DDX54: variants seen among roughly 807,000 people sequenced by gnomAD.
The protein encoded by DDX54 is ATP-dependent RNA helicase DDX54.
Under a neutral mutation model 105.5 loss-of-function variants are expected in DDX54, and 67 were observed. The ratio of observed to expected loss-of-function variants is 0.64; its 90% CI spans 0.52 to 0.78. The LOEUF (loss-of-function observed/expected upper bound fraction) is 0.78, where lower values mean the gene tolerates loss of function less well. Ranked by LOEUF, DDX54 falls within the 30% of genes least tolerant of loss-of-function variation. The probability of loss-of-function intolerance (pLI) is 0.00; values close to 1 mark genes in which losing one functional copy is unlikely to be tolerated. For missense variants in DDX54, 1,206 were observed against 1,230.5 expected (o/e 0.98, Z 0.30); for synonymous variants, 514 against 509.9 (o/e 1.01, Z -0.11).
At position 113,158,760 on chromosome 12, in the gene DDX54, C is replaced by T; in HGVS notation, c.*117G>A. The T allele has an allele frequency of 8.7e-7, 1 of 1,155,916 alleles. No individual in the cohort carries two copies. Among genetic ancestry groups the T allele is most frequent in the Non-Finnish European group, 1.2e-6 (1 of 832,088 alleles). The allele number at this position is 1,155,916 out of a possible 1,614,324, so 71.6% of individuals were successfully genotyped here. A position where few individuals can be genotyped will look rare whatever the true frequency, so the allele number is the denominator to read the frequency against. Reference sequence around the variant, plus strand: ...GTGCTCCTTTTCACAGATGATGGCTCCTGCAGGGAGTGCCCCCAGTGCCCA... The same window carrying T: ...GTGCTCCTTTTCACAGATGATGGCTTCTGCAGGGAGTGCCCCCAGTGCCCA... On this transcript the variant is annotated 3_prime_UTR_variant, in exon 20 of 20. Transcript: ENST00000306014. This position sits in a 1 kb window ranked among gnomAD's most constrained non-coding sequence, Gnocchi z 4.9.
Position 113,180,917 on chromosome 12 carries a change from A to T in DDX54, c.304+12T>A. ...CACTCCCGCAGAGTCCCTGATGCCA[A>T]GTTGCACCCACCCATGGACTGGAAG... On this transcript the variant is annotated intron_variant, in intron 2 of 19. Coordinates refer to ENST00000306014, the MANE Select transcript of DDX54 (RefSeq NM_024072.4). The T allele has an allele frequency of 6.2e-7, 1 of 1,613,226 alleles. No individual in the cohort carries two copies. The highest frequency in any genetic ancestry group is 8.5e-7 in the Non-Finnish European group (1 of 1,179,550).
chr12:113,180,068 C>G, intron 2 of DDX54, 63 bp from the exon 3 acceptor site: 1 of 1,483,722 alleles, frequency 6.7e-7, no homozygotes, highest in African/African-American at 1.4e-5. Context: ...CCCCAGAGAA[C>G]TTTACAGGAC....
Position 113,168,378 on chromosome 12 carries a change from G to C in DDX54, c.1414+1392C>G, listed in dbSNP as rs531892123. On this transcript the variant is annotated intron_variant, in intron 12 of 19. Transcript: ENST00000306014. ...TCTGAGCTTGAGTCTTGGGCCTCTGGGGGGGCCTGAATCTCAGCTCCCCAC... is the reference window on the plus strand; with the variant it reads ...TCTGAGCTTGAGTCTTGGGCCTCTGCGGGGGCCTGAATCTCAGCTCCCCAC... Among the ~76,000 whole-genome samples the C allele has an allele frequency of 2.0e-5, 3 of 152,342 alleles. No individual in the cohort carries two copies. The East Asian group carries it at 5.8e-4, about 29-fold the overall frequency.
chr12:113,178,917 T>C, intron 5 of DDX54, 60 bp downstream of exon 5: 2 of 1,595,752 alleles, frequency 1.3e-6, no homozygotes, highest in Non-Finnish European at 1.7e-6. Flanking sequence ...ACTAATGTCC[T>C]GGAGACACAG....
chr12:113,159,707 G>A (rs1952181730), intron 19 of DDX54, among the ~76,000 whole-genome samples: 2 of 152,042 alleles, frequency 1.3e-5, no homozygotes, highest in African/African-American at 4.8e-5. Context: ...CAGAGAGGGA[G>A]AGGGACTTAT....
intron 12 of DDX54, among the ~76,000 whole-genome samples, chr12:113,166,688 C>T (rs1437309752): frequency 6.6e-6 from 1 of 151,734 alleles, no homozygotes; most frequent in Non-Finnish European, 1.5e-5. Flanking sequence ...GGTGACAGAA[C>T]AAGACTTTGT....
chr12:113,184,453 G>A (rs904100981), intron 1 of DDX54, among the ~76,000 whole-genome samples: 3 of 152,222 alleles, frequency 2.0e-5, no homozygotes, highest in Non-Finnish European at 4.4e-5. Flanking sequence ...GTTGCTGGTG[G>A]TGTTAGCACA....
chr12:113,176,527 A>AT (rs1371738677), intron 7 of DDX54, among the ~76,000 whole-genome samples: 4 of 152,176 alleles, frequency 2.6e-5, no homozygotes, highest in Non-Finnish European at 5.9e-5. Flanking sequence ...AGATCATACC[A>AT]TTGCACTCCA....
At chr12:113,175,564 G>A (rs1404435150) in intron 7 of DDX54, among the ~76,000 whole-genome samples, 5 of 152,144 alleles carry the variant, frequency 3.3e-5, no homozygotes, top group Non-Finnish European at 4.4e-5. Flanking sequence ...CAAGGCGGGC[G>A]GATCATGAGG....
chr12:113,176,428 G>A (rs1169956587), intron 7 of DDX54, among the ~76,000 whole-genome samples: 1 of 152,148 alleles, frequency 6.6e-6, no homozygotes, highest in Non-Finnish European at 1.5e-5. Flanking sequence ...TTAGCCAGGC[G>A]TGGTAGCGCG....
In DDX54 at chr12:113,185,293, G is replaced by T; in HGVS notation, c.159C>A (p.Asp53Glu). Residue 53 changes from aspartate to glutamate, a missense_variant, in exon 1 of 20, where the codon GAC becomes GAA. By Grantham distance (45) the Asp-to-Glu change is conservative (BLOSUM62 2). Transcript: ENST00000306014. ...DGEFEIQAED[D>E]ARARKLGPGR... ...ACGCGCCTACCTTCCGGGCCCGGGC[G>T]TCATCTTCCGCCTGGATCTCAAACT... 2 of 1,575,874 alleles carry T rather than the reference G, an allele frequency of 1.3e-6. No homozygotes were observed. The highest frequency in any genetic ancestry group is 8.6e-7 in the Non-Finnish European group (1 of 1,163,572).
intron 14 of DDX54, 131 bp from the exon 15 acceptor site, chr12:113,164,416 T>A: frequency 8.6e-7 from 1 of 1,159,396 alleles, no homozygotes; most frequent in Non-Finnish European, 1.2e-6. Context: ...ACTTCACAAT[T>A]AGATAGACAG....
At position 113,172,472 on chromosome 12, in the gene DDX54, C is replaced by T. The variant is rs1442262968; in HGVS notation, c.1160G>A (p.Gly387Asp). ...AGTCACAATGAGAGTGGAGCACTTG[C>T]CAAGCGTGAATTTGGCGAGATTGAT... The part of the protein sequence containing the change: ...RKINLAKFTL[G>D]KCSTLIVTDL... Residue 387 changes from glycine to aspartate, a missense_variant, in exon 11 of 20, where the codon GGC (glycine) becomes GAC (aspartate). Physicochemically the swap from Gly to Asp is moderately conservative, Grantham distance 94 (BLOSUM62 -1). Coordinates refer to ENST00000306014, the MANE Select transcript of DDX54 (RefSeq NM_024072.4). 1.9e-6 allele frequency: 3 copies of T among 1,614,242 alleles called. No individual in the cohort carries two copies. Among genetic ancestry groups the T allele is most frequent in the Non-Finnish European group, 2.5e-6 (3 of 1,180,044 alleles).
In DDX54 at chr12:113,179,023, C is replaced by T. The variant is rs1465774480; in HGVS notation, c.568G>A (p.Gly190Ser). The T allele has an allele frequency of 6.2e-7, 1 of 1,613,966 alleles. No individual in the cohort carries two copies. The highest frequency in any genetic ancestry group is 1.3e-5 in the African/African-American group (1 of 74,914). Residue 190 changes from glycine (G) to serine (S), a missense_variant, in exon 5 of 20, where the codon GGC (glycine) becomes AGC (serine). By Grantham distance (56) the Gly-to-Ser change is moderately conservative. Around this residue, in one of 3 missense-constraint regions of DDX54, gnomAD observed 961 missense variants for 1,019.1 expected, o/e 0.94. Coordinates refer to ENST00000306014, the MANE Select transcript of DDX54 (RefSeq NM_024072.4). ...LQTLKFTKEL[G>S]KFTGLKTALI... is the part of the protein sequence containing the mutation. ...GCAGTCTTGAGGCCAGTGAACTTGC[C>T]TAGCTGAGAAGAGAAAGTGATTGAG... is the stretch of plus-strand genomic sequence containing the variant.
rs763831795 is a variant in DDX54, at chr12:113,185,339, C to CA, written c.112_113insT (p.Gly38ValfsTer10). On this transcript the variant is annotated frameshift_variant, in exon 1 of 20. Transcript: ENST00000306014. LOFTEE classifies it high-confidence loss of function. ...AAACTCGCCGTCCTCCGAGTCGCTG[C>CA]CGCGGGCCTGGGAGGCCGCGCCTCG... 1 of 1,586,902 alleles carries CA rather than the reference C, an allele frequency of 6.3e-7. No individual in the cohort carries two copies. The highest frequency in any genetic ancestry group is 8.5e-7 in the Non-Finnish European group (1 of 1,169,988).
chr12:113,166,510 G>A (rs1952278306), intron 12 of DDX54, among the ~76,000 whole-genome samples: 1 of 152,128 alleles, frequency 6.6e-6, no homozygotes. Flanking sequence ...AGACCAGCCT[G>A]AGCAATGTAG....
chr12:113,171,645 C>T (rs998848541), intron 11 of DDX54, among the ~76,000 whole-genome samples: 4 of 151,436 alleles, frequency 2.6e-5, no homozygotes, highest in African/African-American at 9.7e-5. Flanking sequence ...GTGACAGTTG[C>T]ACAATGGGAA....
intron 7 of DDX54, among the ~76,000 whole-genome samples, chr12:113,176,273 A>G (rs1476384589): frequency 6.6e-6 from 1 of 152,062 alleles, no homozygotes; most frequent in Non-Finnish European, 1.5e-5. Flanking sequence ...TCTCTTTGAA[A>G]TCCCATGTTA....
chr12:113,172,504 G>A lies in DDX54; in HGVS notation c.1128C>T (p.Ala376=), dbSNP rs1367975880. The A allele has an allele frequency of 5.0e-6, 8 of 1,614,256 alleles. No individual in the cohort carries two copies. The highest frequency in any genetic ancestry group is 6.8e-6 in the Non-Finnish European group (8 of 1,180,044). ...TGAATTTGGCGAGATTGATCTTGCG[G>A]GCTGTCGGGTCTAGGGCACTGTAGA... ...AHIYSALDPT[A]RKINLAKFTL... is the part of the protein sequence containing the mutation. Residue 376 remains alanine, a synonymous_variant, in exon 11 of 20, where the codon GCC becomes GCT. Coordinates refer to ENST00000306014, the MANE Select transcript of DDX54 (RefSeq NM_024072.4).
Sources: allele counts gnomAD v4.1 joint callset (sites outside exome capture counted in the v4.1 genomes callset), GRCh38; gene constraint gnomAD v4.1.1; regional missense constraint gnomAD v4.1.1; non-coding constraint Gnocchi (gnomAD v3.1); transcripts MANE v1.5; gene names NCBI Gene and HGNC (gene_info 2026-07-23, HGNC 2026-07-21).